The following MARCHF1 variants were observed in gnomAD, a reference collection of about 807,000 sequenced individuals.
The protein encoded by MARCHF1 is membrane associated ring-CH-type finger 1, also known as E3 ubiquitin-protein ligase MARCHF1.
A neutral mutation model predicts 54.2 loss-of-function variants in MARCHF1; 40 were observed. That is an observed-to-expected ratio of 0.74 (90% CI 0.57 to 0.96). The LOEUF (loss-of-function observed/expected upper bound fraction) is 0.96. MARCHF1 is among the 40% of genes least tolerant of loss of function. MARCHF1 has a pLI of 0.00. For missense variants in MARCHF1, 586 were observed against 656.5 expected (o/e 0.89, Z 1.17); for synonymous variants, 236 against 236.3 (o/e 1.00, Z 0.01).
intron 3 of MARCHF1, among the ~76,000 whole-genome samples, chr4:163,876,821 A>G (rs1182838125): frequency 6.6e-6 from 1 of 152,172 alleles, no homozygotes; most frequent in Admixed American, 6.6e-5. Context: ...ATTTTTATTA[A>G]TTTACTAGGT....
intron 4 of MARCHF1, among the ~76,000 whole-genome samples, chr4:163,768,934 G>A (rs1292963420): frequency 1.3e-5 from 2 of 152,034 alleles, no homozygotes; most frequent in African/African-American, 4.8e-5. Context: ...TCAAATATCT[G>A]GACTTCCTGG....
intron 3 of MARCHF1, among the ~76,000 whole-genome samples, chr4:163,890,013 C>T (rs28556878): frequency 0.04 from 5,943 of 149,480 alleles, 313 homozygotes; most frequent in East Asian, 0.17. Context: ...CAAGCTCCGC[C>T]GCCCGGGTTC....
At chr4:163,817,846 T>C (rs577529345) in intron 4 of MARCHF1, among the ~76,000 whole-genome samples, 3 of 149,980 alleles carry the variant, frequency 2.0e-5, no homozygotes, top group Non-Finnish European at 4.4e-5. Context: ...TCATTCTCAG[T>C]AAACTATCGC....
At chr4:164,121,698 A>G (rs1334571271) in intron 1 of MARCHF1, among the ~76,000 whole-genome samples, 1 of 152,150 alleles carries the variant, frequency 6.6e-6, no homozygotes, top group Non-Finnish European at 1.5e-5. Flanking sequence ...TCAAAACTCT[A>G]GTAAAAAGTC....
chr4:163,841,984 A>G (rs1749352749), intron 4 of MARCHF1, among the ~76,000 whole-genome samples: 1 of 152,122 alleles, frequency 6.6e-6, no homozygotes, highest in South Asian at 2.1e-4. Context: ...GACAATTACT[A>G]TGGTGATATA....
chr4:164,257,002 A>G (rs1017052894), intron 1 of MARCHF1, among the ~76,000 whole-genome samples: 8 of 152,174 alleles, frequency 5.3e-5, no homozygotes, highest in Non-Finnish European at 1.5e-5. Flanking sequence ...AATTCTATAG[A>G]TAGTAATTTG....
At position 164,189,108 on chromosome 4, in the gene MARCHF1, C is replaced by T. The variant is rs147768247; in HGVS notation, c.-322-77446G>A. 9.9e-4 allele frequency: 659 copies of T among 662,848 alleles called. 12 individuals carry two copies. The East Asian group carries it at 0.016, about 17-fold the overall frequency. 41.1% of individuals were successfully genotyped at this position (662,848 alleles called of 1,614,324 possible). On this transcript the variant is annotated intron_variant, in intron 1 of 9. Coordinates refer to ENST00000514618, the MANE Select transcript of MARCHF1 (RefSeq NM_001394959.1). ...CCATTGACAATGGTGTCTTCGGAGTCGTGGCCACTAATGGAGATACTCATC... is the reference window on the plus strand; with the variant it reads ...CCATTGACAATGGTGTCTTCGGAGTTGTGGCCACTAATGGAGATACTCATC...
rs558925346 is a variant in MARCHF1 at position 163,739,612 on chromosome 4, C to T, written c.112-38749G>A. Reference sequence around the variant, plus strand: ...ACGAACACTCTTCAGTATTTAGCAACTAAAATAGTATAAGAGATAATCATG... The same window carrying T: ...ACGAACACTCTTCAGTATTTAGCAATTAAAATAGTATAAGAGATAATCATG... On this transcript the variant is annotated intron_variant, in intron 4 of 9. Transcript: ENST00000514618. Among the ~76,000 whole-genome samples, 16 of 152,152 alleles carry T rather than the reference C, an allele frequency of 1.1e-4. No individual in the cohort carries two copies. The South Asian group carries it at 2.7e-3, about 26-fold the overall frequency.
At chr4:163,632,516 C>T (rs1245101841) in intron 5 of MARCHF1, among the ~76,000 whole-genome samples, 1 of 152,190 alleles carries the variant, frequency 6.6e-6, no homozygotes, top group Non-Finnish European at 1.5e-5. Context: ...GTCACTCCCA[C>T]CCGAATACTG....
At chr4:164,157,395 A>T (rs1396757798) in intron 1 of MARCHF1, among the ~76,000 whole-genome samples, 5 of 152,194 alleles carry the variant, frequency 3.3e-5, no homozygotes, top group African/African-American at 1.2e-4. Flanking sequence ...GAGGCTTCAC[A>T]GTTTGTGAAA....
intron 9 of MARCHF1, among the ~76,000 whole-genome samples, chr4:163,536,365 C>A (rs1738528877): frequency 6.6e-6 from 1 of 152,044 alleles, no homozygotes; most frequent in Admixed American, 6.6e-5. Context: ...GATCTTTTTT[C>A]TTTCTGTGTT....
At chr4:163,592,859 G>C (rs1740637331) in intron 7 of MARCHF1, among the ~76,000 whole-genome samples, 1 of 152,048 alleles carries the variant, frequency 6.6e-6, no homozygotes, top group African/African-American at 2.4e-5. Context: ...ATGGGCTCTT[G>C]AAACACATTA....
chr4:163,723,898 C>A (rs560350450), intron 4 of MARCHF1, among the ~76,000 whole-genome samples: 1 of 152,282 alleles, frequency 6.6e-6, no homozygotes, highest in Non-Finnish European at 1.5e-5. Flanking sequence ...GACTTCTCTA[C>A]ACTGGTTATT....
chr4:163,683,606 T>C (rs1281414923), intron 5 of MARCHF1, among the ~76,000 whole-genome samples: 2 of 152,204 alleles, frequency 1.3e-5, no homozygotes, highest in Admixed American at 6.5e-5. Context: ...GTATTTACAC[T>C]GATAGGGAAC....
chr4:163,718,860 A>G (rs1447954359), intron 4 of MARCHF1, among the ~76,000 whole-genome samples: 1 of 152,144 alleles, frequency 6.6e-6, no homozygotes, highest in Non-Finnish European at 1.5e-5. Flanking sequence ...ATATTGTTCC[A>G]GCCGTAGGTG....
intron 8 of MARCHF1, among the ~76,000 whole-genome samples, chr4:163,555,322 G>T (rs1340204690): frequency 6.6e-6 from 1 of 152,132 alleles, no homozygotes; most frequent in Non-Finnish European, 1.5e-5. Flanking sequence ...CTTCCCTAAG[G>T]AAGGAAAAGT....
At chr4:163,948,932 A>G (rs1752076122) in intron 3 of MARCHF1, among the ~76,000 whole-genome samples, 1 of 152,246 alleles carries the variant, frequency 6.6e-6, no homozygotes, top group Non-Finnish European at 1.5e-5. Context: ...TGAATGGAGA[A>G]CAAGATTTTA....
intron 2 of MARCHF1, among the ~76,000 whole-genome samples, chr4:164,006,893 A>T (rs2110930815): frequency 1.4e-5 from 2 of 147,974 alleles, no homozygotes; most frequent in Non-Finnish European, 3.0e-5. Flanking sequence ...TCAAATATAA[A>T]TGAGCGATAA....
intron 1 of MARCHF1, among the ~76,000 whole-genome samples, chr4:164,351,598 A>G (rs1402819551): frequency 3.3e-5 from 5 of 152,152 alleles, no homozygotes; most frequent in South Asian, 4.1e-4. Context: ...CATCCACACC[A>G]AAAACCCATC....
Sources: gnomAD v4.1 joint callset for allele counts (sites outside exome capture counted in the v4.1 genomes callset) on GRCh38, gnomAD v4.1.1 for gene constraint, MANE v1.5 for transcripts, NCBI Gene and HGNC (gene_info 2026-07-23, HGNC 2026-07-21) for gene names.